The following MYPN variants were observed in gnomAD, a reference collection of about 807,000 sequenced individuals.
MYPN encodes sarcomeric protein myopalladin, 145 kDa (MYOP).
Under a neutral mutation model 129.4 loss-of-function variants are expected in MYPN, and 63 were observed. The observed-to-expected ratio is 0.49, with a 90% CI of 0.40 to 0.60. The LOEUF is 0.60. Ranked by LOEUF, MYPN falls within the 20% of genes least tolerant of loss-of-function variation. MYPN has a pLI of 0.00. For synonymous variants in MYPN, 629 were observed against 600.9 expected (o/e 1.05, Z -0.68); for missense variants, 1,596 against 1,635.4 (o/e 0.98, Z 0.42).
intron 6 of MYPN, chr10:68,158,197 C>T: frequency 3.0e-6 from 1 of 331,008 alleles, no homozygotes; most frequent in Non-Finnish European, 5.6e-6. Flanking sequence ...CATGTGCGTC[C>T]CTCCTGAAGC....
chr10:68,138,661 T>C (rs2042525736), intron 2 of MYPN, among the ~76,000 whole-genome samples: 1 of 152,224 alleles, frequency 6.6e-6, no homozygotes, highest in Non-Finnish European at 1.5e-5. Flanking sequence ...TGTGATATGC[T>C]TCTACTGCTA....
At chr10:68,163,385 G>T (rs1341493874) in intron 8 of MYPN, among the ~76,000 whole-genome samples, 3 of 152,140 alleles carry the variant, frequency 2.0e-5, no homozygotes, top group African/African-American at 7.2e-5. Context: ...CCAGCACTTT[G>T]GGAGGCCGAG....
intron 1 of MYPN, among the ~76,000 whole-genome samples, chr10:68,091,325 G>A (rs1313114117): frequency 6.7e-6 from 1 of 148,910 alleles, no homozygotes; most frequent in African/African-American, 2.5e-5. Flanking sequence ...TTAAGATATA[G>A]ATATATGCAT....
chr10:68,131,774 A>ATTTTTAATGCTATTATTAT (rs1393119370), intron 2 of MYPN, among the ~76,000 whole-genome samples: 1 of 152,146 alleles, frequency 6.6e-6, no homozygotes, highest in African/African-American at 2.4e-5. Flanking sequence ...TAGGCATCTC[A>ATTTTTAATGCTATTATTAT]TTTTTAATGC....
At chr10:68,185,787 T>C (rs938948860) in intron 12 of MYPN, among the ~76,000 whole-genome samples, 4 of 152,150 alleles carry the variant, frequency 2.6e-5, no homozygotes, top group African/African-American at 7.2e-5. Context: ...GTAATATCAA[T>C]TTAGAATCAT....
chr10:68,119,344 T>G (rs2042205597), intron 1 of MYPN, among the ~76,000 whole-genome samples: 1 of 152,060 alleles, frequency 6.6e-6, no homozygotes, highest in African/African-American at 2.4e-5. Flanking sequence ...GATAAACACC[T>G]TTGTAGACAA....
intron 4 of MYPN, among the ~76,000 whole-genome samples, chr10:68,146,162 C>G (rs2042663521): frequency 6.6e-6 from 1 of 152,190 alleles, no homozygotes; most frequent in Non-Finnish European, 1.5e-5. Context: ...AAGCCTTATT[C>G]AGTAGAGCAT....
intron 7 of MYPN, 57 bp downstream of exon 7, chr10:68,158,684 A>G (rs2042923320): frequency 3.2e-6 from 4 of 1,249,382 alleles, no homozygotes; most frequent in East Asian, 2.5e-5. Flanking sequence ...CTTATTGTAC[A>G]CACTTATTTT....
intron 2 of MYPN, among the ~76,000 whole-genome samples, chr10:68,125,902 A>G (rs1479863208): frequency 6.6e-6 from 1 of 152,220 alleles, no homozygotes; most frequent in Non-Finnish European, 1.5e-5. Flanking sequence ...GTGGCTCACA[A>G]TCTAATAGCT....
chr10:68,174,672 G>T lies in MYPN; in HGVS notation c.2564+16G>T, dbSNP rs1473150031. 1 of 1,609,112 alleles carries T rather than the reference G, an allele frequency of 6.2e-7. No homozygotes were observed. Among genetic ancestry groups the T allele is most frequent in the Non-Finnish European group, 8.5e-7 (1 of 1,175,586 alleles). On this transcript the variant is annotated intron_variant, in intron 11 of 19. Coordinates refer to ENST00000358913, the MANE Select transcript of MYPN (RefSeq NM_032578.4). ...CACCATCCATGTAAGTGTCATTGAG[G>T]TTTCTTGATGTAAGATGCTAGTTAA...
chr10:68,196,483 C>CTTTTTTTTTTTTTTTTT (rs71009021), intron 15 of MYPN, among the ~76,000 whole-genome samples: 37 of 112,512 alleles, frequency 3.3e-4, no homozygotes, highest in Non-Finnish European at 6.0e-4. Flanking sequence ...CCTTCTTCTT[C>CTTTTTTTTTTTTTTTTT]TTTTTTTTTT....
rs553533859 is a variant in MYPN at position 68,092,333 on chromosome 10, A to G, written c.-2+4341A>G. ...AACATGGTGAAAACCTGCCTCTACT[A>G]AAAATATGAAAATTAGCCGGGCATG... On this transcript the variant is annotated intron_variant, in intron 1 of 6. Coordinates refer to the MYPN transcript ENST00000685154. Among the ~76,000 whole-genome samples, 10 of 152,092 alleles carry G rather than the reference A, an allele frequency of 6.6e-5. No individual in the cohort carries two copies. In the East Asian group the frequency reaches 1.9e-3, roughly 29 times the overall value.
In MYPN at chr10:68,143,143, C is replaced by T. The variant is rs545355951; in HGVS notation, c.1078+28C>T. The stretch of plus-strand genomic sequence containing the variant: ...AAAACAAAATGCTCTTGGAGTATGA[C>T]ACTTAATAGTAAGACATTTAGTTAT... On this transcript the variant is annotated intron_variant, in intron 3 of 19. Coordinates refer to ENST00000358913, the MANE Select transcript of MYPN (RefSeq NM_032578.4). The T allele has an allele frequency of 6.3e-6, 10 of 1,598,484 alleles. No individual in the cohort carries two copies. The African/African-American group carries it at 8.0e-5, about 13-fold the overall frequency.
chr10:68,119,080 A>G (rs886792695), intron 1 of MYPN, among the ~76,000 whole-genome samples: 2 of 152,202 alleles, frequency 1.3e-5, no homozygotes, highest in African/African-American at 4.8e-5. Context: ...GATTTTCGGT[A>G]TATTAATTAC....
chr10:68,148,962 A>C (rs1554842812), intron 5 of MYPN, among the ~76,000 whole-genome samples: 1 of 152,184 alleles, frequency 6.6e-6, no homozygotes, highest in Non-Finnish European at 1.5e-5. Flanking sequence ...GTGGTGGCTC[A>C]CACCTGTGAT....
At chr10:68,209,902 A>G (rs975739220) in intron 19 of MYPN, among the ~76,000 whole-genome samples, 1 of 152,084 alleles carries the variant, frequency 6.6e-6, no homozygotes, top group Non-Finnish European at 1.5e-5. Flanking sequence ...CATGTTGGCC[A>G]GCCTGGTCTT....
At chr10:68,169,249 T>C (rs927334144) in intron 10 of MYPN, among the ~76,000 whole-genome samples, 1 of 146,560 alleles carries the variant, frequency 6.8e-6, no homozygotes, top group African/African-American at 2.5e-5. Flanking sequence ...TCCCAGCTAC[T>C]TGGGAGGCTG....
At chr10:68,136,508 A>G (rs1327166190) in intron 2 of MYPN, 2 of 1,370,406 alleles carry the variant, frequency 1.5e-6, no homozygotes, top group South Asian at 1.7e-5. Flanking sequence ...GGTAAATTTA[A>G]TACCTTTTCA....
intron 2 of MYPN, among the ~76,000 whole-genome samples, chr10:68,130,133 G>A (rs1171004014): frequency 6.6e-6 from 1 of 151,926 alleles, no homozygotes; most frequent in Non-Finnish European, 1.5e-5. Context: ...TGGATTTTTT[G>A]TTCTTTTCTT....
Sources: allele counts gnomAD v4.1 joint callset (sites outside exome capture counted in the v4.1 genomes callset), GRCh38; gene constraint gnomAD v4.1.1; transcripts MANE v1.5; gene names NCBI Gene and HGNC (gene_info 2026-07-23, HGNC 2026-07-21).